The following GABRB1 variants were observed in gnomAD, a reference collection of about 807,000 sequenced individuals.
The protein encoded by GABRB1 is gamma-aminobutyric acid receptor subunit beta-1.
A neutral mutation model predicts 51.6 loss-of-function variants in GABRB1; 17 were observed. That is an observed-to-expected ratio of 0.33 (90% CI 0.23 to 0.49). The LOEUF (loss-of-function observed/expected upper bound fraction) is 0.49, where lower values mean the gene tolerates loss of function less well. Ranked by LOEUF, GABRB1 falls within the 20% of genes least tolerant of loss-of-function variation. GABRB1 has a pLI of 0.99. For synonymous variants in GABRB1, 247 were observed against 218.9 expected (o/e 1.13, Z -1.14); for missense variants, 410 against 600.6 (o/e 0.68, Z 3.32).
intron 4 of GABRB1, among the ~76,000 whole-genome samples, chr4:47,288,865 C>G (rs998013370): frequency 6.6e-6 from 1 of 152,294 alleles, no homozygotes. Context: ...GACAAGCGGT[C>G]TACCCAGAGT....
chr4:47,181,362 G>A (rs1718938965), intron 4 of GABRB1, among the ~76,000 whole-genome samples: 1 of 151,782 alleles, frequency 6.6e-6, no homozygotes, highest in Non-Finnish European at 1.5e-5. Flanking sequence ...ATGCTTTAAT[G>A]GGTTTTTACA....
chr4:47,419,416 C>G (rs1443126228), intron 8 of GABRB1, among the ~76,000 whole-genome samples: 2 of 152,052 alleles, frequency 1.3e-5, no homozygotes, highest in South Asian at 2.1e-4. Context: ...AAGAAAGACT[C>G]GGCAGGCAAG....
At chr4:47,395,867 TC>T in intron 5 of GABRB1, among the ~76,000 whole-genome samples, 1 of 152,198 alleles carries the variant, frequency 6.6e-6, no homozygotes, top group Non-Finnish European at 1.5e-5. Flanking sequence ...CCCAGATTTT[TC>T]CCTCATATAT....
chr4:47,246,175 C>T (rs1397268257), intron 4 of GABRB1, among the ~76,000 whole-genome samples: 2 of 148,076 alleles, frequency 1.4e-5, no homozygotes, highest in Non-Finnish European at 3.0e-5. Context: ...GTTTAGTTTT[C>T]CATTCCTGAG....
At chr4:47,029,056 A>G (rs1206646104), upstream of GABRB1, among the ~76,000 whole-genome samples, 1 of 151,628 alleles carries the variant, frequency 6.6e-6, no homozygotes, top group Non-Finnish European at 1.5e-5. Flanking sequence ...AACTATTTTG[A>G]CTGTTGTATT....
chr4:47,297,691 T>G (rs1403325154), intron 4 of GABRB1, among the ~76,000 whole-genome samples: 1 of 152,306 alleles, frequency 6.6e-6, no homozygotes, highest in Non-Finnish European at 1.5e-5. Context: ...AAGGAGGAAC[T>G]GGTACCATTC....
At chr4:47,395,790 CTTG>C (rs758819314) in intron 5 of GABRB1, among the ~76,000 whole-genome samples, 7 of 151,974 alleles carry the variant, frequency 4.6e-5, no homozygotes, top group Non-Finnish European at 1.0e-4. Context: ...TTGTTATTAC[CTTG>C]TTATCTGTCC....
At chr4:47,372,133 C>T (rs1727218291) in intron 5 of GABRB1, among the ~76,000 whole-genome samples, 1 of 152,120 alleles carries the variant, frequency 6.6e-6, no homozygotes, top group Admixed American at 6.5e-5. Flanking sequence ...ACAAAGGGAT[C>T]CAGTTTGAAT....
At chr4:47,234,275 G>C (rs1234396807) in intron 4 of GABRB1, among the ~76,000 whole-genome samples, 1 of 152,088 alleles carries the variant, frequency 6.6e-6, no homozygotes, top group Non-Finnish European at 1.5e-5. Flanking sequence ...ATCACCTGAG[G>C]TCAGGAGTTC....
rs141528752 is a variant in GABRB1 at position 47,303,443 on chromosome 4, G to A, written c.462-16684G>A. Among the ~76,000 whole-genome samples the A allele has an allele frequency of 1.5e-4, 23 of 150,580 alleles. No individual in the cohort carries two copies. In the East Asian group the frequency reaches 4.5e-3, roughly 29 times the overall value. On this transcript the variant is annotated intron_variant, in intron 4 of 8. Transcript: ENST00000295454. ...ATCAAAAATATATAAAACTTACATA[G>A]GAAATAATATCAAGTTACTTCTTGT...
chr4:47,298,385 C>T lies in GABRB1; in HGVS notation c.462-21742C>T, dbSNP rs987284347. ...TCCTTAAGCTGATAAGCAACTTCAG[C>T]AAAGTCTCAGGATACAAAATCAATG... On this transcript the variant is annotated intron_variant, in intron 4 of 8. Transcript: ENST00000295454. Among the ~76,000 whole-genome samples the T allele has an allele frequency of 1.1e-4, 17 of 152,180 alleles. No individual in the cohort carries two copies. The East Asian group carries it at 2.7e-3, about 24-fold the overall frequency.
chr4:47,038,064 C>G (rs1022422234), intron 3 of GABRB1, among the ~76,000 whole-genome samples: 1 of 152,084 alleles, frequency 6.6e-6, no homozygotes, highest in African/African-American at 2.4e-5. Context: ...GTTCAAATAT[C>G]CTATAATAAA....
chr4:47,113,337 G>T (rs937548030), intron 3 of GABRB1, among the ~76,000 whole-genome samples: 4 of 145,582 alleles, frequency 2.7e-5, no homozygotes, highest in Admixed American at 6.9e-5. Context: ...AGTGAGCTGG[G>T]ATCGTGCCAC....
intron 3 of GABRB1, among the ~76,000 whole-genome samples, chr4:47,141,303 T>C (rs1195428889): frequency 6.6e-6 from 1 of 151,936 alleles, no homozygotes; most frequent in Non-Finnish European, 1.5e-5. Context: ...GGTCAGCTTC[T>C]TGGTCTACAT....
intron 7 of GABRB1, among the ~76,000 whole-genome samples, chr4:47,404,867 T>C (rs535691145): frequency 9.8e-5 from 15 of 152,332 alleles, no homozygotes; most frequent in African/African-American, 3.6e-4. Context: ...AGTAAGTTTA[T>C]GAATTGTGGT....
Position 47,057,107 on chromosome 4 carries a change from A to AAAAC in GABRB1, c.240+24644_240+24647dup, listed in dbSNP as rs563377107. 6.5e-3 allele frequency among the ~76,000 whole-genome samples: 989 copies of AAAAC among 152,194 alleles called. 6 individuals are homozygous for AAAAC. Among genetic ancestry groups the AAAAC allele is most frequent in the South Asian group, 0.019 (93 of 4,804 alleles). ...GCGACAGAGCAAGACTCTGTCTCAA[A>AAAAC]AAACAAACAAACAAACAAACAAACC... On this transcript the variant is annotated intron_variant, in intron 3 of 8. Coordinates refer to ENST00000295454, the MANE Select transcript of GABRB1 (RefSeq NM_000812.4).
chr4:47,233,656 C>T (rs1253612258), intron 4 of GABRB1, among the ~76,000 whole-genome samples: 1 of 152,122 alleles, frequency 6.6e-6, no homozygotes, highest in African/African-American at 2.4e-5. Flanking sequence ...ACTGCAATTT[C>T]TCCATTTATG....
chr4:47,296,237 G>A (rs1188869021), intron 4 of GABRB1, among the ~76,000 whole-genome samples: 1 of 152,088 alleles, frequency 6.6e-6, no homozygotes, highest in Non-Finnish European at 1.5e-5. Context: ...CATAATGACA[G>A]GATCAAATTC....
intron 3 of GABRB1, among the ~76,000 whole-genome samples, chr4:47,072,763 T>C (rs960917927): frequency 2.6e-5 from 4 of 152,202 alleles, no homozygotes; most frequent in South Asian, 2.1e-4. Flanking sequence ...TAAATTCTGT[T>C]TTGAGTTGCG....
Sources: gnomAD v4.1 joint callset for allele counts (sites outside exome capture counted in the v4.1 genomes callset) on GRCh38, gnomAD v4.1.1 for gene constraint, MANE v1.5 for transcripts, NCBI Gene and HGNC (gene_info 2026-07-23, HGNC 2026-07-21) for gene names.